Variants in VAV3 observed in about 807,000 individuals in gnomAD.
VAV3 encodes vav guanine nucleotide exchange factor 3, also known as guanine nucleotide exchange factor VAV3.
In VAV3, 94 loss-of-function variants were observed where a neutral mutation model predicts 131.2. That is an observed-to-expected ratio of 0.72 (90% CI 0.61 to 0.85). VAV3 has a LOEUF of 0.85. Among genes scored for constraint, VAV3 ranks in the 40% least tolerant of loss-of-function variants. VAV3 has a pLI of 0.00. For synonymous variants in VAV3, 349 were observed against 342.0 expected, an observed-to-expected ratio of 1.02 and a Z score of -0.22; for missense variants, 939 against 1,002.7, an observed-to-expected ratio of 0.94 and a Z score of 0.86.
At chr1:107,617,348 T>C (rs570491608) in intron 21 of VAV3, among the ~76,000 whole-genome samples, 4 of 152,258 alleles carry the variant, frequency 2.6e-5, no homozygotes, top group African/African-American at 9.6e-5. Flanking sequence ...GTTATATAAA[T>C]TCTACTAAGT....
chr1:107,849,599 A>G (rs1669128216), intron 2 of VAV3, among the ~76,000 whole-genome samples: 1 of 152,134 alleles, frequency 6.6e-6, no homozygotes, highest in African/African-American at 2.4e-5. Flanking sequence ...ACTTAAACAT[A>G]AGACCTAAAA....
At chr1:107,597,933 C>T (rs1651520913) in intron 24 of VAV3, among the ~76,000 whole-genome samples, 1 of 152,168 alleles carries the variant, frequency 6.6e-6, no homozygotes, top group South Asian at 2.1e-4. Context: ...GGGCCTTATT[C>T]CCATTGAAGC....
chr1:107,844,251 T>C (rs950061797), intron 2 of VAV3, among the ~76,000 whole-genome samples: 1 of 151,854 alleles, frequency 6.6e-6, no homozygotes, highest in Non-Finnish European at 1.5e-5. Context: ...AGGGAAGCCT[T>C]GAGGGACTGT....
intron 2 of VAV3, among the ~76,000 whole-genome samples, chr1:107,784,645 G>A (rs13376677): frequency 0.31 from 47,092 of 152,054 alleles, 7,909 homozygotes; most frequent in Non-Finnish European, 0.37. Flanking sequence ...CTTTCAATCT[G>A]ACAACGGAAA....
intron 24 of VAV3, among the ~76,000 whole-genome samples, chr1:107,598,447 C>G (rs1427238916): frequency 6.6e-6 from 1 of 152,158 alleles, no homozygotes; most frequent in Non-Finnish European, 1.5e-5. Context: ...TCATGATGTA[C>G]TAGGAACTTT....
intron 1 of VAV3, among the ~76,000 whole-genome samples, chr1:107,895,229 C>A (rs1054900053): frequency 2.0e-5 from 3 of 152,152 alleles, no homozygotes; most frequent in African/African-American, 7.2e-5. Context: ...GAATCGGACT[C>A]TCACCCATGG....
chr1:107,778,937 T>C (rs537504883), intron 3 of VAV3, among the ~76,000 whole-genome samples: 1 of 152,318 alleles, frequency 6.6e-6, no homozygotes, highest in East Asian at 1.9e-4. Flanking sequence ...TGACATACTA[T>C]ATTTAACCAA....
At chr1:107,620,304 A>G (rs1653468046) in intron 20 of VAV3, among the ~76,000 whole-genome samples, 1 of 152,174 alleles carries the variant, frequency 6.6e-6, no homozygotes, top group Admixed American at 6.5e-5. Flanking sequence ...GTGCCACATG[A>G]TGACATGTCA....
intron 25 of VAV3, among the ~76,000 whole-genome samples, chr1:107,590,073 C>G (rs184281089): frequency 2.7e-4 from 41 of 152,258 alleles, no homozygotes; most frequent in African/African-American, 9.9e-4. Flanking sequence ...GGAAAGAGAC[C>G]ACACCCAGGG....
intron 15 of VAV3, among the ~76,000 whole-genome samples, chr1:107,713,216 C>T (rs1660891392): frequency 6.6e-6 from 1 of 151,884 alleles, no homozygotes; most frequent in Non-Finnish European, 1.5e-5. Context: ...AGATAGGAAC[C>T]TGATATTTAT....
intron 17 of VAV3, among the ~76,000 whole-genome samples, chr1:107,703,811 A>G (rs1660280219): frequency 6.6e-6 from 1 of 152,194 alleles, no homozygotes. Context: ...GGTCTTATTG[A>G]TAAAAACACA....
chr1:107,686,800 G>A (rs1013996427), intron 18 of VAV3, among the ~76,000 whole-genome samples: 5 of 152,120 alleles, frequency 3.3e-5, no homozygotes, highest in Non-Finnish European at 5.9e-5. Context: ...GTATAAAAGT[G>A]CCTGTGAGAA....
intron 2 of VAV3, among the ~76,000 whole-genome samples, chr1:107,835,465 C>T (rs779708816): frequency 3.3e-5 from 5 of 152,074 alleles, no homozygotes; most frequent in East Asian, 1.9e-4. Context: ...GTGAGATGTG[C>T]GGTTTGTGGG....
chr1:107,915,495 T>C (rs1571136046), intron 1 of VAV3, among the ~76,000 whole-genome samples: 1 of 152,142 alleles, frequency 6.6e-6, no homozygotes, highest in Non-Finnish European at 1.5e-5. Flanking sequence ...GTCCCAATCC[T>C]ATGTGAAACT....
chr1:107,783,181 T>G (rs1399644360), intron 2 of VAV3, among the ~76,000 whole-genome samples: 1 of 152,138 alleles, frequency 6.6e-6, no homozygotes, highest in Non-Finnish European at 1.5e-5. Flanking sequence ...CAAATCTGCT[T>G]TAGAAGGGTG....
chr1:107,954,764 T>TGGGGGCGGGCG (rs374683501), intron 1 of VAV3, among the ~76,000 whole-genome samples: 1 of 133,068 alleles, frequency 7.5e-6, no homozygotes, highest in Non-Finnish European at 1.6e-5. Context: ...GAAAATACCA[T>TGGGGGCGGGCG]GGGAGGGGGG....
intron 25 of VAV3, among the ~76,000 whole-genome samples, chr1:107,574,796 C>A (rs1649495001): frequency 6.6e-6 from 1 of 152,148 alleles, no homozygotes; most frequent in Non-Finnish European, 1.5e-5. Flanking sequence ...ATATAATTCA[C>A]CTAAGTGAAG....
chr1:107,963,021 A>G (rs1675201689), intron 1 of VAV3, among the ~76,000 whole-genome samples: 1 of 152,216 alleles, frequency 6.6e-6, no homozygotes, highest in Admixed American at 6.5e-5. Flanking sequence ...ATTAAATTAC[A>G]TCTAACATAA....
At chr1:107,799,590 C>T (rs1666730871) in intron 2 of VAV3, among the ~76,000 whole-genome samples, 1 of 151,954 alleles carries the variant, frequency 6.6e-6, no homozygotes, top group Non-Finnish European at 1.5e-5. Flanking sequence ...GTACATATTT[C>T]CAGAGTACAT....
Sources: allele counts gnomAD v4.1 joint callset (sites outside exome capture counted in the v4.1 genomes callset), GRCh38; gene constraint gnomAD v4.1.1; transcripts MANE v1.5; gene names NCBI Gene and HGNC (gene_info 2026-07-23, HGNC 2026-07-21).